The following MYO18B variants were observed in gnomAD, a reference collection of about 807,000 sequenced individuals.
The protein encoded by MYO18B is myosin XVIIIB.
MYO18B carries 204 observed loss-of-function variants against 273.0 expected under a neutral mutation model. The observed-to-expected ratio is 0.75, with a 90% confidence interval of 0.67 to 0.84. MYO18B has a LOEUF of 0.84. Ranked by LOEUF, MYO18B falls within the 40% of genes least tolerant of loss-of-function variation. MYO18B has a pLI of 0.00. For missense variants in MYO18B, 3,212 were observed against 3,287.6 expected, an observed-to-expected ratio of 0.98 and a Z score of 0.56; for synonymous variants, 1,330 against 1,305.7, an observed-to-expected ratio of 1.02 and a Z score of -0.40.
At position 26,026,892 on chromosome 22, in the gene MYO18B, G is replaced by A. The variant is rs1936286290; in HGVS notation, c.6918G>A (p.Gly2306=). The A allele has an allele frequency of 3.7e-6, 6 of 1,605,414 alleles. No homozygotes were observed. The East Asian group carries it at 1.1e-4, about 30-fold the overall frequency. The part of the protein sequence containing the change: ...SDEGNLSLRV[G]AKSPLEIEGA... ...AGGGAAACCTCTCGCTGAGGGTTGG[G>A]GCAAAGTCACCCCTGGAAATCGAAG... Residue 2306 remains glycine, a synonymous_variant, in exon 43 of 44, where the codon GGG becomes GGA. Coordinates refer to ENST00000335473, the MANE Select transcript of MYO18B (RefSeq NM_032608.7).
chr22:25,876,080 A>G (rs2091187801), intron 23 of MYO18B, 109 bp from the exon 24 acceptor site: 1 of 1,052,694 alleles, frequency 9.5e-7, no homozygotes, highest in Admixed American at 2.3e-5. Flanking sequence ...TTCCACCGGG[A>G]AATAACCCCA....
Position 26,005,522 on chromosome 22 carries a change from C to T in MYO18B, c.6470+667C>T, listed in dbSNP as rs184021819. ...GGATTCACCCTTAGTTGCACAGTTTCTATCATCCATCTTCCTTCTTGCTTT... is the reference window on the plus strand; with the variant it reads ...GGATTCACCCTTAGTTGCACAGTTTTTATCATCCATCTTCCTTCTTGCTTT... On this transcript the variant is annotated intron_variant, in intron 42 of 43. Transcript: ENST00000335473. Among the ~76,000 whole-genome samples, 259 of 152,336 alleles carry T rather than the reference C, an allele frequency of 1.7e-3. 2 individuals are homozygous for T. Among genetic ancestry groups the T allele is most frequent in the African/African-American group, 6.2e-3 (257 of 41,578 alleles).
intron 39 of MYO18B, among the ~76,000 whole-genome samples, chr22:25,967,447 G>C (rs1480858407): frequency 1.3e-5 from 2 of 152,132 alleles, no homozygotes; most frequent in Admixed American, 1.3e-4. Flanking sequence ...TCATGTTTTT[G>C]ATTCATTTCC....
chr22:25,781,906 C>A, intron 10 of MYO18B, 72 bp downstream of exon 10: 2 of 1,080,744 alleles, frequency 1.9e-6, no homozygotes, highest in Non-Finnish European at 2.5e-6. Flanking sequence ...GGGGGCCCAG[C>A]CTTAGCTTCT....
chr22:25,900,040 A>G (rs1022135740), intron 29 of MYO18B, among the ~76,000 whole-genome samples: 3 of 152,204 alleles, frequency 2.0e-5, no homozygotes, highest in Non-Finnish European at 4.4e-5. Flanking sequence ...GAGTTTGTGC[A>G]GCCAGAAAAT....
chr22:25,893,341 T>C (rs1243367572), intron 27 of MYO18B, among the ~76,000 whole-genome samples: 1 of 152,208 alleles, frequency 6.6e-6, no homozygotes, highest in Non-Finnish European at 1.5e-5. Context: ...TCTCAAGATA[T>C]TCACGATATA....
intron 9 of MYO18B, among the ~76,000 whole-genome samples, chr22:25,780,821 C>T (rs1402238545): frequency 7.9e-5 from 12 of 151,938 alleles, no homozygotes; most frequent in Admixed American, 6.6e-4. Context: ...TGTCATTAGC[C>T]GGGTCTTAAA....
In MYO18B at chr22:25,878,051, A is replaced by G. The variant is rs1401137034; in HGVS notation, c.4314+3A>G. On this transcript the variant is annotated splice_donor_region_variant and intron_variant, in intron 25 of 43. Coordinates refer to ENST00000335473, the MANE Select transcript of MYO18B (RefSeq NM_032608.7). ...ACACAGATCTGCTAGAAAGCAAGGT[A>G]TCCCCATCCCTCCTCTTGGGTCCTT... 2 of 1,574,050 alleles carry G rather than the reference A, an allele frequency of 1.3e-6. No homozygotes were observed. The highest frequency in any genetic ancestry group is 1.7e-6 in the Non-Finnish European group (2 of 1,159,074).
intron 12 of MYO18B, 147 bp from the exon 13 acceptor site, chr22:25,823,358 C>A: frequency 3.8e-6 from 3 of 796,206 alleles, no homozygotes; most frequent in Non-Finnish European, 5.8e-6. Flanking sequence ...CCTAGGGGCC[C>A]AGGCCTGGGC....
chr22:25,911,322 A>G (rs1228598045), intron 33 of MYO18B, among the ~76,000 whole-genome samples: 1 of 152,224 alleles, frequency 6.6e-6, no homozygotes, highest in African/African-American at 2.4e-5. Flanking sequence ...AGTCCACCAG[A>G]CAGTCCTTCC....
the MYO18B span, among the ~76,000 whole-genome samples, chr22:26,051,216 C>CTTTTTTTTTTTT: frequency 2.2e-5 from 2 of 92,586 alleles, no homozygotes; most frequent in Non-Finnish European, 3.8e-5. Flanking sequence ...TAATTGGTCC[C>CTTTTTTTTTTTT]TTTTTTTTTT....
intron 39 of MYO18B, chr22:25,965,063 G>A (rs1297477653): frequency 2.0e-5 from 3 of 152,222 alleles, no homozygotes; most frequent in African/African-American, 7.2e-5. Context: ...AATAAAACAT[G>A]GGACCATGGG....
chr22:25,784,388 T>C (rs531091155), intron 10 of MYO18B, among the ~76,000 whole-genome samples: 116 of 152,368 alleles, frequency 7.6e-4, no homozygotes, highest in African/African-American at 2.6e-3. Flanking sequence ...CATTTAATCC[T>C]GGGAGGCAAG....
chr22:26,026,799 G>A lies in MYO18B; in HGVS notation c.6825G>A (p.Trp2275Ter), dbSNP rs763487608. ...GGTCCACGCTGGGCCTAGAGGACTG[G>A]CCCACTCTCCCCATTTACCAGACGA... ...GQGSTLGLED[W>*]PTLPIYQTTG... Residue 2275 changes from tryptophan to a stop codon, truncating the protein, a stop_gained, in exon 43 of 44, where the codon TGG becomes TGA. Transcript: ENST00000335473. LOFTEE classifies it high-confidence loss of function. 14 of 1,599,274 alleles carry A rather than the reference G, an allele frequency of 8.8e-6. No homozygotes were observed. The South Asian group carries it at 1.6e-4, about 18-fold the overall frequency.
chr22:25,790,585 C>A (rs1338918402), intron 11 of MYO18B, among the ~76,000 whole-genome samples: 1 of 152,210 alleles, frequency 6.6e-6, no homozygotes, highest in Non-Finnish European at 1.5e-5. Flanking sequence ...CAAGGCCTAG[C>A]ACTCAGCCAG....
intron 10 of MYO18B, among the ~76,000 whole-genome samples, chr22:25,784,495 G>A (rs895559293): frequency 1.3e-5 from 2 of 152,246 alleles, no homozygotes; most frequent in African/African-American, 4.8e-5. Context: ...TGGACTTGAA[G>A]CCTAGCTGGT....
chr22:25,929,410 G>A (rs1407598791), intron 34 of MYO18B, among the ~76,000 whole-genome samples: 2 of 152,138 alleles, frequency 1.3e-5, no homozygotes, highest in African/African-American at 4.8e-5. Flanking sequence ...TCTGGAGACA[G>A]AAGCAGTTCC....
intron 17 of MYO18B, among the ~76,000 whole-genome samples, chr22:25,839,449 G>A (rs1244386613): frequency 6.6e-6 from 1 of 152,188 alleles, no homozygotes; most frequent in African/African-American, 2.4e-5. Context: ...AGATGTGTCT[G>A]CCCCTTTGCT....
At chr22:26,010,379 T>C (rs1298293304) in intron 42 of MYO18B, among the ~76,000 whole-genome samples, 1 of 152,092 alleles carries the variant, frequency 6.6e-6, no homozygotes, top group East Asian at 1.9e-4. Context: ...GGCAGAAGCA[T>C]GTGGTGGGCT....
Sources: gnomAD v4.1 joint callset for allele counts (sites outside exome capture counted in the v4.1 genomes callset) on GRCh38, gnomAD v4.1.1 for gene constraint, MANE v1.5 for transcripts, NCBI Gene and HGNC (gene_info 2026-07-23, HGNC 2026-07-21) for gene names.